APBB2: variants seen among roughly 807,000 people sequenced by gnomAD.
APBB2 encodes amyloid beta precursor protein binding family B member 2.
APBB2 carries 38 observed loss-of-function variants against 82.5 expected under a neutral mutation model. The observed-to-expected ratio is 0.46, with a 90% CI of 0.36 to 0.60. The LOEUF is 0.60. APBB2 is among the 20% of genes least tolerant of loss of function. The pLI is 0.00. For synonymous variants in APBB2, 341 were observed against 368.2 expected (o/e 0.93, Z 0.85); for missense variants, 772 against 972.3 (o/e 0.79, Z 2.74).
intron 6 of APBB2, among the ~76,000 whole-genome samples, chr4:40,997,195 C>T (rs780434173): frequency 2.6e-5 from 4 of 152,096 alleles, no homozygotes; most frequent in Admixed American, 2.6e-4. Flanking sequence ...TTTAGTGTGT[C>T]GGGGAGATGC....
intron 1 of APBB2, among the ~76,000 whole-genome samples, chr4:41,159,946 A>AGG (rs1560912851): frequency 0.013 from 629 of 47,484 alleles, 121 homozygotes; most frequent in East Asian, 0.068. Flanking sequence ...GGAGGAGGAG[A>AGG]AGGAGAAGGA....
chr4:41,160,198 G>A (rs555962795), intron 1 of APBB2, among the ~76,000 whole-genome samples: 120 of 152,228 alleles, frequency 7.9e-4, no homozygotes, highest in Admixed American at 1.7e-3. Context: ...GGGCCTCACA[G>A]GTGCTGCCGG....
chr4:41,170,570 T>A (rs1302156316), intron 1 of APBB2, among the ~76,000 whole-genome samples: 1 of 152,220 alleles, frequency 6.6e-6, no homozygotes, highest in Non-Finnish European at 1.5e-5. Context: ...AGCTGCCCAG[T>A]ACTCTTCAGA....
chr4:41,058,429 TGTACTAG>T (rs1410767750), intron 4 of APBB2, among the ~76,000 whole-genome samples: 2 of 152,232 alleles, frequency 1.3e-5, no homozygotes, highest in Non-Finnish European at 2.9e-5. Flanking sequence ...TGTAAGATTA[TGTACTAG>T]GTATGTGAAA....
chr4:41,163,574 T>C (rs1010647166), intron 1 of APBB2, among the ~76,000 whole-genome samples: 9 of 152,160 alleles, frequency 5.9e-5, no homozygotes, highest in Middle Eastern at 3.2e-3. Flanking sequence ...CTCAAGAAAA[T>C]ATATACACCT....
intron 12 of APBB2, among the ~76,000 whole-genome samples, chr4:40,858,913 G>A (rs1476399700): frequency 6.6e-6 from 1 of 152,188 alleles, no homozygotes; most frequent in South Asian, 2.1e-4. Flanking sequence ...AACTGCAAGT[G>A]AGGCTAGAAG....
chr4:40,947,494 G>A (rs1207496403), intron 6 of APBB2, among the ~76,000 whole-genome samples: 2 of 152,258 alleles, frequency 1.3e-5, no homozygotes, highest in African/African-American at 4.8e-5. Context: ...GGGCTGATAA[G>A]GAGGTACCTA....
Position 40,998,084 on chromosome 4 carries a change from G to T in APBB2, c.835+15499C>A, listed in dbSNP as rs114635251. Among the ~76,000 whole-genome samples, 1,467 of 152,280 alleles carry T rather than the reference G, an allele frequency of 9.6e-3. 12 individuals carry two copies. Among genetic ancestry groups the T allele is most frequent in the Non-Finnish European group, 0.015 (1,017 of 68,020 alleles). On this transcript the variant is annotated intron_variant, in intron 6 of 17. Transcript: ENST00000508593. ...AAATGAGGTGGACCTGTCACTTCAA[G>T]GAAAACAACTGACACTATTTGTTGG...
At chr4:41,079,341 C>T (rs925220493) in intron 3 of APBB2, among the ~76,000 whole-genome samples, 1 of 152,164 alleles carries the variant, frequency 6.6e-6, no homozygotes, top group East Asian at 1.9e-4. Context: ...TATCCAAGAA[C>T]CCTGATTGAT....
chr4:40,933,938 T>A (rs1318095033), intron 10 of APBB2, among the ~76,000 whole-genome samples: 1 of 152,228 alleles, frequency 6.6e-6, no homozygotes, highest in Non-Finnish European at 1.5e-5. Flanking sequence ...GTTAGCAACC[T>A]ACCAGAAGTC....
At position 41,127,429 on chromosome 4, in the gene APBB2, C is replaced by T. The variant is rs1343663528; in HGVS notation, c.-261+15558G>A. ...TTCATTCTCACTCACTTCACATGTG[C>T]CTTTTCATGTAGCCATTCACTTCTT... is the stretch of plus-strand genomic sequence containing the variant. On this transcript the variant is annotated intron_variant, in intron 2 of 17. Transcript: ENST00000508593. This position sits in a 1 kb window ranked among gnomAD's most constrained non-coding sequence, Gnocchi z 4.8. Among the ~76,000 whole-genome samples, 7 of 152,198 alleles carry T rather than the reference C, an allele frequency of 4.6e-5. No individual in the cohort carries two copies. Among genetic ancestry groups the T allele is most frequent in the Non-Finnish European group, 1.0e-4 (7 of 68,038 alleles).
intron 13 of APBB2, among the ~76,000 whole-genome samples, chr4:40,828,939 A>C (rs1347596341): frequency 3.3e-5 from 5 of 151,732 alleles, no homozygotes; most frequent in African/African-American, 1.2e-4. Flanking sequence ...GGCTGGGCCA[A>C]CTCCTGGCCT....
intron 2 of APBB2, among the ~76,000 whole-genome samples, chr4:41,141,310 G>A (rs981804931): frequency 8.3e-4 from 27 of 32,620 alleles, no homozygotes; most frequent in African/African-American, 2.0e-3. Flanking sequence ...AAATATGTGT[G>A]TGTCTGTGTG....
intron 1 of APBB2, 32 bp downstream of exon 1, chr4:41,214,372 CG>C (rs1458297686): frequency 1.3e-5 from 2 of 152,256 alleles, no homozygotes; most frequent in African/African-American, 4.8e-5. Flanking sequence ...CCCCGGAATC[CG>C]GGGCAAAGGC....
Position 40,916,041 on chromosome 4 carries a change from C to CA in APBB2, c.1254+18414dup, listed in dbSNP as rs568642310. On this transcript the variant is annotated intron_variant, in intron 10 of 17. Coordinates refer to ENST00000508593, the MANE Select transcript of APBB2 (RefSeq NM_004307.2). ...AAATGGTCCCTGACCGACTGGAACT[C>CA]AGTGTGTAATGCAAAGGTGAAGTAA... Among the ~76,000 whole-genome samples the CA allele has an allele frequency of 1.8e-4, 27 of 152,248 alleles. No homozygotes were observed. In the East Asian group the frequency reaches 5.0e-3, roughly 28 times the overall value.
chr4:40,931,439 T>G (rs1435033487), intron 10 of APBB2, among the ~76,000 whole-genome samples: 1 of 152,284 alleles, frequency 6.6e-6, no homozygotes, highest in East Asian at 1.9e-4. Context: ...CCCAGCTATT[T>G]TTTTATTTTT....
chr4:40,964,280 T>A (rs1794035287), intron 6 of APBB2, among the ~76,000 whole-genome samples: 1 of 152,178 alleles, frequency 6.6e-6, no homozygotes, highest in African/African-American at 2.4e-5. Context: ...CTGGGTCTGT[T>A]TGAGAAATAC....
chr4:40,950,336 C>T (rs557054405), intron 6 of APBB2, among the ~76,000 whole-genome samples: 3 of 152,188 alleles, frequency 2.0e-5, no homozygotes, highest in African/African-American at 4.8e-5. Flanking sequence ...ATTCCACACT[C>T]GGTATGTGCA....
intron 1 of APBB2, among the ~76,000 whole-genome samples, chr4:41,188,163 G>C (rs988631897): frequency 2.6e-5 from 4 of 152,150 alleles, no homozygotes; most frequent in Non-Finnish European, 5.9e-5. Context: ...AGAAAATCTA[G>C]AGACAGAACA....
Sources: gnomAD v4.1 joint callset for allele counts (sites outside exome capture counted in the v4.1 genomes callset) on GRCh38, gnomAD v4.1.1 for gene constraint, Gnocchi (gnomAD v3.1) non-coding constraint, MANE v1.5 for transcripts, NCBI Gene and HGNC (gene_info 2026-07-23, HGNC 2026-07-21) for gene names.